SLIT3: variants seen among roughly 807,000 people sequenced by gnomAD.
The protein encoded by SLIT3 is slit homolog 3 protein.
Under a neutral mutation model 184.0 loss-of-function variants are expected in SLIT3, and 68 were observed. That is an observed-to-expected ratio of 0.37 (90% confidence interval 0.30 to 0.45). SLIT3 has a LOEUF of 0.45. Among genes scored for constraint, SLIT3 ranks in the 20% least tolerant of loss-of-function variants. The probability of loss-of-function intolerance (pLI) is 1.00; values close to 1 mark genes in which losing one functional copy is unlikely to be tolerated. For missense variants in SLIT3, 1,707 were observed against 2,026.0 expected (o/e 0.84, Z 3.02); for synonymous variants, 831 against 828.6 (o/e 1.00, Z -0.05).
rs529659114 is a variant in SLIT3 at position 169,159,637 on chromosome 5, G to A, written c.413+33842C>T. Among the ~76,000 whole-genome samples the A allele has an allele frequency of 7.4e-4, 113 of 152,162 alleles. 1 individual carries two copies. The South Asian group carries it at 0.012, about 17-fold the overall frequency. ...AAAAATACACAAAAATTAGTTGGGCGTGGTGGCAGGCACCTGTAGGCCCAG... is the reference window on the plus strand; with the variant it reads ...AAAAATACACAAAAATTAGTTGGGCATGGTGGCAGGCACCTGTAGGCCCAG... On this transcript the variant is annotated intron_variant, in intron 4 of 35. Transcript: ENST00000519560.
intron 4 of SLIT3, among the ~76,000 whole-genome samples, chr5:169,169,307 G>A (rs1355357825): frequency 6.6e-6 from 1 of 152,138 alleles, no homozygotes; most frequent in Non-Finnish European, 1.5e-5. Context: ...TATCTAATCC[G>A]AGTGGGCATC....
intron 5 of SLIT3, among the ~76,000 whole-genome samples, chr5:168,866,696 G>T (rs1373713896): frequency 1.3e-5 from 2 of 152,230 alleles, no homozygotes; most frequent in East Asian, 1.9e-4. Context: ...TTCATATTTT[G>T]ACTCTGCTAT....
At chr5:169,196,061 G>A (rs1404434815) in intron 3 of SLIT3, among the ~76,000 whole-genome samples, 1 of 151,854 alleles carries the variant, frequency 6.6e-6, no homozygotes, top group African/African-American at 2.4e-5. Context: ...CCTTCTCCCA[G>A]CCCCTGGCAA....
At chr5:169,150,120 TA>T (rs1762064937) in intron 4 of SLIT3, among the ~76,000 whole-genome samples, 1 of 152,200 alleles carries the variant, frequency 6.6e-6, no homozygotes, top group African/African-American at 2.4e-5. Flanking sequence ...AAATATGCCT[TA>T]TATGAGCAAC....
At chr5:168,881,367 T>A (rs1221386820) in intron 5 of SLIT3, among the ~76,000 whole-genome samples, 1 of 152,222 alleles carries the variant, frequency 6.6e-6, no homozygotes, top group Non-Finnish European at 1.5e-5. Flanking sequence ...AGAACAATTG[T>A]GGGATTTATT....
At chr5:168,929,446 T>G (rs1458652532) in intron 4 of SLIT3, among the ~76,000 whole-genome samples, 1 of 152,170 alleles carries the variant, frequency 6.6e-6, no homozygotes, top group Non-Finnish European at 1.5e-5. Context: ...ATGAGGAAAC[T>G]GAGGTACAGT....
chr5:168,919,043 G>A (rs914138017), intron 4 of SLIT3, among the ~76,000 whole-genome samples: 5 of 151,966 alleles, frequency 3.3e-5, no homozygotes, highest in East Asian at 1.9e-4. Flanking sequence ...GGTGGATCAC[G>A]AGGTCAGGAG....
intron 4 of SLIT3, among the ~76,000 whole-genome samples, chr5:168,888,475 A>G (rs1380405734): frequency 2.0e-5 from 3 of 152,256 alleles, no homozygotes; most frequent in Non-Finnish European, 2.9e-5. Flanking sequence ...ATCCACCCCA[A>G]AGTATTCCTA....
chr5:169,016,778 C>T (rs1756396353), intron 4 of SLIT3, among the ~76,000 whole-genome samples: 1 of 152,148 alleles, frequency 6.6e-6, no homozygotes, highest in South Asian at 2.1e-4. Context: ...ACCTCAAAGG[C>T]TTGGTGTGAT....
intron 26 of SLIT3, among the ~76,000 whole-genome samples, chr5:168,704,132 G>A (rs1467809821): frequency 6.6e-6 from 1 of 151,712 alleles, no homozygotes; most frequent in Non-Finnish European, 1.5e-5. Context: ...GCCTGACCTC[G>A]GATCTAATGA....
chr5:169,155,980 C>G (rs1035370947), intron 4 of SLIT3, among the ~76,000 whole-genome samples: 2 of 152,228 alleles, frequency 1.3e-5, no homozygotes, highest in African/African-American at 4.8e-5. Flanking sequence ...TTGAAAAACA[C>G]TGAAGATTTG....
At chr5:169,258,970 G>A in intron 1 of SLIT3, among the ~76,000 whole-genome samples, 1 of 152,232 alleles carries the variant, frequency 6.6e-6, no homozygotes, top group South Asian at 2.1e-4. Flanking sequence ...GTGGCTTTGA[G>A]AAAGGCACTT....
rs541973869 is a variant in SLIT3, at chr5:168,763,074, C to T, written c.1460-385G>A. ...TTTAGGGGGTCTACCTGCTTCACAA[C>T]TCCTATCATTCATGGACCCTCTAAA... On this transcript the variant is annotated intron_variant, in intron 14 of 35. Coordinates refer to ENST00000519560, the MANE Select transcript of SLIT3 (RefSeq NM_003062.4). Among the ~76,000 whole-genome samples, 7 of 152,268 alleles carry T rather than the reference C, an allele frequency of 4.6e-5. No homozygotes were observed. The South Asian group carries it at 6.2e-4, about 14-fold the overall frequency.
chr5:169,009,782 G>A (rs1756070467), intron 4 of SLIT3, among the ~76,000 whole-genome samples: 3 of 152,160 alleles, frequency 2.0e-5, no homozygotes, highest in Admixed American at 1.3e-4. Context: ...GGGCGGGAAA[G>A]GACTGAGAAA....
intron 20 of SLIT3, among the ~76,000 whole-genome samples, chr5:168,746,689 TG>T (rs1561907577): frequency 3.7e-5 from 4 of 107,294 alleles, no homozygotes; most frequent in South Asian, 3.2e-4. Context: ...TGGTGTGTGG[TG>T]GTGTGGGTGT....
chr5:168,788,007 A>G (rs1278767131), intron 11 of SLIT3, among the ~76,000 whole-genome samples: 1 of 152,134 alleles, frequency 6.6e-6, no homozygotes, highest in African/African-American at 2.4e-5. Flanking sequence ...TCACTTAAAC[A>G]ATGCTCACAT....
intron 4 of SLIT3, among the ~76,000 whole-genome samples, chr5:169,185,548 T>G (rs67404929): frequency 0.2 from 30,049 of 152,222 alleles, 4,011 homozygotes; most frequent in Middle Eastern, 0.35. Flanking sequence ...TAGTATGGTT[T>G]TTGTTTTCTC....
chr5:168,736,479 G>A (rs1167159528), intron 20 of SLIT3, among the ~76,000 whole-genome samples: 2 of 152,212 alleles, frequency 1.3e-5, no homozygotes, highest in Admixed American at 6.5e-5. Flanking sequence ...AGTCAGTGCT[G>A]GGCAGTTGTT....
At chr5:168,762,203 C>T (rs1020423498) in intron 15 of SLIT3, among the ~76,000 whole-genome samples, 1 of 152,130 alleles carries the variant, frequency 6.6e-6, no homozygotes, top group African/African-American at 2.4e-5. Flanking sequence ...TCATTTAGCA[C>T]CCAACTTTCT....
Sources: allele counts gnomAD v4.1 joint callset (sites outside exome capture counted in the v4.1 genomes callset), GRCh38; gene constraint gnomAD v4.1.1; transcripts MANE v1.5; gene names NCBI Gene and HGNC (gene_info 2026-07-23, HGNC 2026-07-21).